Variants in LHFPL4 observed in about 807,000 individuals in gnomAD.
The protein encoded by LHFPL4 is LHFPL tetraspan subfamily member 4 protein.
Under a neutral mutation model 20.0 loss-of-function variants are expected in LHFPL4, and 6 were observed. The ratio of observed to expected loss-of-function variants is 0.30; its 90% CI spans 0.16 to 0.59. The LOEUF is 0.59. Ranked by LOEUF, LHFPL4 falls within the 20% of genes least tolerant of loss-of-function variation. The pLI, the probability that LHFPL4 is intolerant of heterozygous loss-of-function variation, is 0.88. For synonymous variants in LHFPL4, 129 were observed against 143.8 expected (o/e 0.90, Z 0.74); for missense variants, 215 against 331.2 (o/e 0.65, Z 2.72).
intron 3 of LHFPL4, among the ~76,000 whole-genome samples, chr3:9,502,981 A>C (rs926075995): frequency 6.6e-6 from 1 of 151,950 alleles, no homozygotes; most frequent in African/African-American, 2.4e-5. Context: ...TTGGTTCCAG[A>C]GGTCTTCTTT....
At chr3:9,547,597 G>T (rs898425448) in intron 2 of LHFPL4, among the ~76,000 whole-genome samples, 1 of 152,178 alleles carries the variant, frequency 6.6e-6, no homozygotes, top group Non-Finnish European at 1.5e-5. Context: ...AAATGACAAC[G>T]AGTGTGAAAA....
intron 2 of LHFPL4, among the ~76,000 whole-genome samples, chr3:9,509,442 C>A (rs578075094): frequency 6.6e-6 from 1 of 152,266 alleles, no homozygotes; most frequent in South Asian, 2.1e-4. Flanking sequence ...TTCATAGATC[C>A]CACAAATACA....
At position 9,506,811 on chromosome 3, in the gene LHFPL4, C is replaced by A. The variant is rs1280703164; in HGVS notation, c.407-608G>T. ...GGCCAGGCTGGTCTCGAACTCCTAA[C>A]CTCAAGTGATCTGCCCACCTCAGCC... On this transcript the variant is annotated intron_variant, in intron 2 of 3. Transcript: ENST00000287585. The surrounding 1 kb of genome is among the most constrained non-coding windows in gnomAD (Gnocchi z 4.5). Among the ~76,000 whole-genome samples, 1 of 152,148 alleles carries A rather than the reference C, an allele frequency of 6.6e-6. No homozygotes were observed. Among genetic ancestry groups the A allele is most frequent in the East Asian group, 1.9e-4 (1 of 5,190 alleles).
chr3:9,522,338 A>G (rs900198815), intron 2 of LHFPL4, among the ~76,000 whole-genome samples: 4 of 152,150 alleles, frequency 2.6e-5, no homozygotes, highest in African/African-American at 7.2e-5. Flanking sequence ...GACTGTTGTC[A>G]TTCATTCACT....
At chr3:9,525,664 G>T (rs1165340814) in intron 2 of LHFPL4, among the ~76,000 whole-genome samples, 3 of 152,126 alleles carry the variant, frequency 2.0e-5, no homozygotes, top group Non-Finnish European at 4.4e-5. Context: ...GAGAAAGAAT[G>T]GGTAGCACTT....
At chr3:9,504,806 CTGAG>C (rs1452219085) in intron 3 of LHFPL4, among the ~76,000 whole-genome samples, 3 of 137,182 alleles carry the variant, frequency 2.2e-5, no homozygotes, top group African/African-American at 5.6e-5. Flanking sequence ...GCCTGGGTGA[CTGAG>C]TGAGACTCCA....
intron 2 of LHFPL4, among the ~76,000 whole-genome samples, chr3:9,529,010 C>T (rs1000566217): frequency 2.0e-5 from 3 of 150,188 alleles, no homozygotes; most frequent in East Asian, 1.9e-4. Context: ...CTCCACCTCC[C>T]GGGTTTAGGA....
rs1276986206 is a variant in LHFPL4 at position 9,500,831 on chromosome 3, G to A, written c.*1380C>T. The A allele has an allele frequency of 6.6e-6, 1 of 152,326 alleles. No individual in the cohort carries two copies. The highest frequency in any genetic ancestry group is 2.4e-5 in the African/African-American group (1 of 41,468). The allele number at this position is 152,326 out of a possible 1,614,324, so 9.4% of individuals were successfully genotyped here. On this transcript the variant is annotated 3_prime_UTR_variant, in exon 4 of 4. Transcript: ENST00000287585. Reference sequence around the variant, plus strand: ...TCTGCCGCCAGACCCACAGGGGAATGACGGGTGTTCAAAAAATACCAGGAG... The same window carrying A: ...TCTGCCGCCAGACCCACAGGGGAATAACGGGTGTTCAAAAAATACCAGGAG...
intron 2 of LHFPL4, among the ~76,000 whole-genome samples, chr3:9,538,431 A>G (rs573104081): frequency 6.6e-6 from 1 of 152,292 alleles, no homozygotes; most frequent in African/African-American, 2.4e-5. Flanking sequence ...TTGTTCTAGC[A>G]CAGGCCATGG....
intron 2 of LHFPL4, among the ~76,000 whole-genome samples, chr3:9,522,861 G>A (rs1431796972): frequency 1.3e-5 from 2 of 151,422 alleles, no homozygotes; most frequent in South Asian, 2.1e-4. Flanking sequence ...CTAACACAGT[G>A]AAACCCCGTC....
intron 2 of LHFPL4, among the ~76,000 whole-genome samples, chr3:9,521,403 C>A (rs1432831621): frequency 1.4e-5 from 2 of 140,934 alleles, no homozygotes; most frequent in Non-Finnish European, 3.1e-5. Context: ...TTTTTTTCTA[C>A]TTTTTTTTTT....
At chr3:9,543,478 C>A (rs996472550) in intron 2 of LHFPL4, among the ~76,000 whole-genome samples, 10 of 149,096 alleles carry the variant, frequency 6.7e-5, no homozygotes, top group Non-Finnish European at 8.9e-5. Flanking sequence ...CCAGCCTGGG[C>A]AACAGAATGA....
chr3:9,508,516 A>G (rs1384625334), intron 2 of LHFPL4, among the ~76,000 whole-genome samples: 2 of 152,194 alleles, frequency 1.3e-5, no homozygotes, highest in Non-Finnish European at 2.9e-5. Context: ...AGCTCAGGGG[A>G]AAACCGGGGC....
rs984537812 is a variant in LHFPL4, at chr3:9,545,292, C to A, written c.406+6982G>T. On this transcript the variant is annotated intron_variant, in intron 2 of 3. Transcript: ENST00000287585. ...GAAAGAGGGAGAGGAGGAGGGAAAGCGGAAAGAAATTCTCTCAATGTGTTT... is the reference window on the plus strand; with the variant it reads ...GAAAGAGGGAGAGGAGGAGGGAAAGAGGAAAGAAATTCTCTCAATGTGTTT... 6.6e-5 allele frequency among the ~76,000 whole-genome samples: 10 copies of A among 152,080 alleles called. 1 individual carries two copies. The South Asian group carries it at 8.3e-4, about 13-fold the overall frequency.
intron 2 of LHFPL4, among the ~76,000 whole-genome samples, chr3:9,523,444 CAG>C (rs2046353266): frequency 2.5e-5 from 3 of 122,182 alleles, no homozygotes; most frequent in South Asian, 6.1e-4. Flanking sequence ...TGTTTTGAGA[CAG>C]AGTCTTTATT....
At chr3:9,520,356 G>GT (rs922643293) in intron 2 of LHFPL4, among the ~76,000 whole-genome samples, 2 of 151,952 alleles carry the variant, frequency 1.3e-5, no homozygotes, top group East Asian at 1.9e-4. Context: ...TGTTGTTGTT[G>GT]TTGTTTGTTT....
chr3:9,538,992 A>T (rs2542394), intron 2 of LHFPL4, among the ~76,000 whole-genome samples: 6,300 of 152,000 alleles, frequency 0.041, 163 homozygotes, highest in Non-Finnish European at 0.06. Context: ...GAGCCACCAC[A>T]CCTGGCCCAA....
intron 2 of LHFPL4, 140 bp downstream of exon 2, chr3:9,552,134 T>A: frequency 2.0e-5 from 18 of 919,814 alleles, no homozygotes; most frequent in East Asian, 4.5e-5. Context: ...CAATACCCAC[T>A]GAGGGTCCGT....
chr3:9,534,029 C>T (rs1349486699), intron 2 of LHFPL4, among the ~76,000 whole-genome samples: 3 of 151,802 alleles, frequency 2.0e-5, no homozygotes, highest in African/African-American at 2.4e-5. Flanking sequence ...GCCTGGGCAA[C>T]GTGGCGAAAC....
Sources: gnomAD v4.1 joint callset for allele counts (sites outside exome capture counted in the v4.1 genomes callset) on GRCh38, gnomAD v4.1.1 for gene constraint, Gnocchi (gnomAD v3.1) non-coding constraint, MANE v1.5 for transcripts, NCBI Gene and HGNC (gene_info 2026-07-23, HGNC 2026-07-21) for gene names.